Variants in AGMO observed in about 807,000 individuals in gnomAD.
AGMO encodes alkylglycerol monooxygenase.
A neutral mutation model predicts 60.2 loss-of-function variants in AGMO; 75 were observed. The observed-to-expected ratio is 1.25, with a 90% CI of 1.03 to 1.51. The LOEUF is 1.51. Ranked by LOEUF, AGMO falls within the 40% of genes most tolerant of loss-of-function variation. AGMO has a pLI of 0.00. For missense variants in AGMO, 763 were observed against 525.5 expected (o/e 1.45, Z -4.42); for synonymous variants, 261 against 177.1 (o/e 1.47, Z -3.76).
chr7:15,520,270 T>G (rs1485348003), intron 3 of AGMO, among the ~76,000 whole-genome samples: 2 of 152,100 alleles, frequency 1.3e-5, no homozygotes, highest in Non-Finnish European at 2.9e-5. Context: ...CACCCCATTG[T>G]CAATATTAGA....
At chr7:15,174,617 T>C in the AGMO span, among the ~76,000 whole-genome samples, 1 of 151,954 alleles carries the variant, frequency 6.6e-6, no homozygotes, top group Non-Finnish European at 1.5e-5. Context: ...CCCATAGAAA[T>C]GCATGAGAGG....
At chr7:15,259,462 C>T (rs1783203719) in intron 12 of AGMO, among the ~76,000 whole-genome samples, 1 of 152,022 alleles carries the variant, frequency 6.6e-6, no homozygotes, top group South Asian at 2.1e-4. Flanking sequence ...GAAGAAAAAT[C>T]TAAAAGTTTG....
intron 12 of AGMO, among the ~76,000 whole-genome samples, chr7:15,308,097 G>A (rs1222996533): frequency 6.6e-6 from 1 of 151,890 alleles, no homozygotes; most frequent in African/African-American, 2.4e-5. Context: ...CAGGCTGCCA[G>A]GAAACATTTC....
chr7:15,382,568 G>C (rs1235994002), intron 10 of AGMO, among the ~76,000 whole-genome samples: 1 of 152,164 alleles, frequency 6.6e-6, no homozygotes, highest in African/African-American at 2.4e-5. Context: ...AGATGCTGTA[G>C]AAGTATTGAA....
intron 12 of AGMO, among the ~76,000 whole-genome samples, chr7:15,310,086 T>C (rs376324408): frequency 6.6e-6 from 1 of 152,212 alleles, no homozygotes; most frequent in East Asian, 1.9e-4. Context: ...TTAGTGCCTG[T>C]TCTTTCTGGA....
chr7:15,539,099 G>A (rs1171581960), intron 3 of AGMO, among the ~76,000 whole-genome samples: 1 of 151,550 alleles, frequency 6.6e-6, no homozygotes, highest in African/African-American at 2.4e-5. Flanking sequence ...GGTGCAACTG[G>A]GTAAATTCTT....
At chr7:15,213,744 G>A (rs1259611366) in intron 12 of AGMO, among the ~76,000 whole-genome samples, 1 of 151,932 alleles carries the variant, frequency 6.6e-6, no homozygotes, top group African/African-American at 2.4e-5. Context: ...ATTTTACAAA[G>A]TTAGGATAGA....
At chr7:15,456,606 G>A (rs1299101931) in intron 3 of AGMO, among the ~76,000 whole-genome samples, 1 of 152,120 alleles carries the variant, frequency 6.6e-6, no homozygotes, top group Non-Finnish European at 1.5e-5. Context: ...TCCTGAGTAA[G>A]GAAATAGTTC....
At chr7:15,318,245 C>G (rs148660193) in intron 12 of AGMO, among the ~76,000 whole-genome samples, 2,697 of 151,940 alleles carry the variant, frequency 0.018, 85 homozygotes, top group African/African-American at 0.061. Flanking sequence ...CTCAAGTGAT[C>G]CACCCGCCTC....
Position 15,561,731 on chromosome 7 carries a change from A to C in AGMO, c.115T>G (p.Tyr39Asp). ...CAATAAAGTCTCACCTTTTTTACAT[A>C]ATCAGGCACCTCTTCTAATGTTTGG... is the stretch of plus-strand genomic sequence containing the variant. ...SFQTLEEVPD[Y>D]VKKATPFFIS... is the part of the protein sequence containing the mutation. Residue 39 changes from tyrosine (Y) to aspartate (D), a missense_variant, in exon 1 of 13, where the codon TAT becomes GAT. By Grantham distance (160) the Tyr-to-Asp change is radical (BLOSUM62 -3). Transcript: ENST00000342526. 1 of 1,605,486 alleles carries C rather than the reference A, an allele frequency of 6.2e-7. No individual in the cohort carries two copies. The highest frequency in any genetic ancestry group is 1.1e-5 in the South Asian group (1 of 89,792).
chr7:15,294,136 G>T (rs1784350860), intron 12 of AGMO, among the ~76,000 whole-genome samples: 1 of 152,030 alleles, frequency 6.6e-6, no homozygotes, highest in Non-Finnish European at 1.5e-5. Flanking sequence ...TATGTGCCAA[G>T]AAGCTAGTAA....
the AGMO span, among the ~76,000 whole-genome samples, chr7:15,152,992 C>T: frequency 0.22 from 32,901 of 152,018 alleles, 3,699 homozygotes; most frequent in African/African-American, 0.28. Context: ...TTCACCACAT[C>T]CACAGCAACA....
chr7:15,552,872 G>A (rs1289591487), intron 2 of AGMO, among the ~76,000 whole-genome samples: 12 of 149,636 alleles, frequency 8.0e-5, no homozygotes, highest in East Asian at 2.0e-4. Context: ...ACATGCACAC[G>A]TATGTTTATT....
chr7:15,500,721 T>G (rs1783360649), intron 3 of AGMO, among the ~76,000 whole-genome samples: 1 of 151,978 alleles, frequency 6.6e-6, no homozygotes. Flanking sequence ...ATATCTTGTC[T>G]TCTGATAGCT....
chr7:15,279,541 G>A (rs994347788), intron 12 of AGMO, among the ~76,000 whole-genome samples: 3 of 151,862 alleles, frequency 2.0e-5, no homozygotes, highest in Non-Finnish European at 2.9e-5. Context: ...TCTCAAGGTC[G>A]TGGATTGGAG....
intron 3 of AGMO, among the ~76,000 whole-genome samples, chr7:15,535,170 T>C (rs1405766066): frequency 6.6e-6 from 1 of 151,938 alleles, no homozygotes; most frequent in African/African-American, 2.4e-5. Context: ...GAGTCTATTA[T>C]CTTACTCTCT....
intron 4 of AGMO, among the ~76,000 whole-genome samples, chr7:15,418,991 T>TA (rs1780857066): frequency 6.6e-6 from 1 of 151,968 alleles, no homozygotes; most frequent in Non-Finnish European, 1.5e-5. Context: ...CTCTTTATGT[T>TA]AAAAAATGTA....
intron 3 of AGMO, among the ~76,000 whole-genome samples, chr7:15,499,575 T>C (rs996851891): frequency 1.3e-5 from 2 of 151,830 alleles, no homozygotes; most frequent in African/African-American, 4.8e-5. Flanking sequence ...AACCCCACTG[T>C]AAGGGAATTT....
At chr7:15,502,985 T>G (rs999782891) in intron 3 of AGMO, among the ~76,000 whole-genome samples, 1 of 152,148 alleles carries the variant, frequency 6.6e-6, no homozygotes, top group South Asian at 2.1e-4. Flanking sequence ...TGCCTTTACC[T>G]GTCTACACCA....
Sources: allele counts gnomAD v4.1 joint callset (sites outside exome capture counted in the v4.1 genomes callset), GRCh38; gene constraint gnomAD v4.1.1; transcripts MANE v1.5; gene names NCBI Gene and HGNC (gene_info 2026-07-23, HGNC 2026-07-21).